The following CPXM2 variants were observed in gnomAD, a reference collection of about 807,000 sequenced individuals.
The protein encoded by CPXM2 is inactive carboxypeptidase-like protein X2.
Under a neutral mutation model 86.1 loss-of-function variants are expected in CPXM2, and 66 were observed. The observed-to-expected ratio is 0.77, with a 90% CI of 0.63 to 0.94. The LOEUF (loss-of-function observed/expected upper bound fraction) is 0.94, where lower values mean the gene tolerates loss of function less well. Ranked by LOEUF, CPXM2 falls within the 40% of genes least tolerant of loss-of-function variation. The pLI is 0.00. For missense variants in CPXM2, 948 were observed against 1,026.3 expected (o/e 0.92, Z 1.04); for synonymous variants, 388 against 400.2 (o/e 0.97, Z 0.36).
intron 6 of CPXM2, among the ~76,000 whole-genome samples, chr10:123,786,336 G>A (rs771272986): frequency 2.0e-5 from 3 of 152,174 alleles, no homozygotes; most frequent in Middle Eastern, 3.4e-3. Flanking sequence ...CAAAGGCTGC[G>A]TTCCTCTTCA....
chr10:123,886,783 TATTTG>T (rs891040258), intron 1 of CPXM2, among the ~76,000 whole-genome samples: 2 of 152,252 alleles, frequency 1.3e-5, no homozygotes, highest in Non-Finnish European at 2.9e-5. Context: ...TTCAGCTTAT[TATTTG>T]ATTTGATTGT....
rs1356218694 is a variant in CPXM2, at chr10:123,761,994, G to GC, written c.1654dup (p.Ala552GlyfsTer63). ...GCGGTGTGTGGAGGCATAGGAGTAG[G>GC]CCAGCCAGCGGAACACGTGGTCGTC... On this transcript the variant is annotated frameshift_variant, in exon 11 of 14. Transcript: ENST00000241305. LOFTEE classifies it high-confidence loss of function. 1.4e-5 allele frequency: 22 copies of GC among 1,613,776 alleles called. No homozygotes were observed. Among genetic ancestry groups the GC allele is most frequent in the Non-Finnish European group, 1.6e-5 (19 of 1,179,768 alleles).
At chr10:123,832,904 A>G (rs114420546) in intron 4 of CPXM2, among the ~76,000 whole-genome samples, 31 of 151,912 alleles carry the variant, frequency 2.0e-4, no homozygotes, top group African/African-American at 7.0e-4. Flanking sequence ...AAAGAGGGTG[A>G]AGCGAGCACC....
chr10:123,881,412 A>G (rs368304943), intron 1 of CPXM2, among the ~76,000 whole-genome samples: 275 of 151,918 alleles, frequency 1.8e-3, no homozygotes, highest in South Asian at 5.0e-3. Context: ...CTCTAGGTAG[A>G]GCCTGATGCA....
chr10:123,842,385 G>T lies in CPXM2; in HGVS notation c.617C>A (p.Thr206Asn). 2 of 1,614,276 alleles carry T rather than the reference G, an allele frequency of 1.2e-6. No individual in the cohort carries two copies. The highest frequency in any genetic ancestry group is 1.7e-6 in the Non-Finnish European group (2 of 1,180,052). Reference sequence around the variant, plus strand: ...GTTCCTCCCTTGAGTGATGACACCAGTGAATCTGGTCAGGCGCCGAGCATC... The same window carrying T: ...GTTCCTCCCTTGAGTGATGACACCATTGAATCTGGTCAGGCGCCGAGCATC... ...EVDARRLTRF[T>N]GVITQGRNSL... The change falls in exon 4 of 14, where the codon ACT becomes AAT. Residue 206 changes from threonine to asparagine, a missense_variant. Physicochemically the swap from Thr to Asn is moderately conservative, Grantham distance 65 (BLOSUM62 0). Transcript: ENST00000241305.
At chr10:123,924,965 G>C (rs865836525) in intron 2 of CPXM2, among the ~76,000 whole-genome samples, 1 of 152,150 alleles carries the variant, frequency 6.6e-6, no homozygotes, top group African/African-American at 2.4e-5. Context: ...GGTTTTAGGG[G>C]CTCTGTGCCA....
At chr10:123,920,334 A>G (rs1379692722) in intron 2 of CPXM2, among the ~76,000 whole-genome samples, 1 of 152,226 alleles carries the variant, frequency 6.6e-6, no homozygotes, top group African/African-American at 2.4e-5. Flanking sequence ...CAGATGAAGG[A>G]AAACTAAGAT....
upstream of CPXM2, among the ~76,000 whole-genome samples, chr10:123,894,862 C>T (rs1236556807): frequency 1.3e-5 from 2 of 152,150 alleles, no homozygotes; most frequent in East Asian, 1.9e-4. Flanking sequence ...GATGGGAATC[C>T]GTGCTCAGCA....
upstream of CPXM2, among the ~76,000 whole-genome samples, chr10:123,943,662 G>A (rs1945797604): frequency 6.6e-6 from 1 of 152,248 alleles, no homozygotes; most frequent in Non-Finnish European, 1.5e-5. Flanking sequence ...CTGTAGAGCT[G>A]AGCCAGGTAT....
intron 2 of CPXM2, among the ~76,000 whole-genome samples, chr10:123,919,060 C>T (rs114146063): frequency 0.02 from 3,063 of 152,084 alleles, 93 homozygotes; most frequent in African/African-American, 0.068. Flanking sequence ...AAGCCCACAG[C>T]TCCTCTCTGA....
chr10:123,937,640 C>G (rs1945735699), intron 2 of CPXM2, among the ~76,000 whole-genome samples: 1 of 152,174 alleles, frequency 6.6e-6, no homozygotes, highest in African/African-American at 2.4e-5. Flanking sequence ...AGTCTCTTGA[C>G]AGTTCCTTGA....
chr10:123,806,256 G>C (rs1245297391), intron 4 of CPXM2, among the ~76,000 whole-genome samples: 1 of 152,058 alleles, frequency 6.6e-6, no homozygotes, highest in African/African-American at 2.4e-5. Flanking sequence ...ATTCTAGATT[G>C]ATGTTTATTT....
chr10:123,764,607 C>T (rs1846425404), intron 10 of CPXM2, among the ~76,000 whole-genome samples: 1 of 152,130 alleles, frequency 6.6e-6, no homozygotes, highest in Admixed American at 6.5e-5. Context: ...CTACCTCAGC[C>T]TCCCAAGTAG....
At position 123,815,271 on chromosome 10, in the gene CPXM2, G is replaced by T. The variant is rs183574958; in HGVS notation, c.654-16072C>A. On this transcript the variant is annotated intron_variant, in intron 4 of 13. Coordinates refer to ENST00000241305, the MANE Select transcript of CPXM2 (RefSeq NM_198148.3). The stretch of plus-strand genomic sequence containing the variant: ...ACTGAGCCTCAAATCTGCTAAGTTT[G>T]CCCTGAGTGACAGCCTTATCCCTGG... Among the ~76,000 whole-genome samples, 444 of 152,250 alleles carry T rather than the reference G, an allele frequency of 2.9e-3. 2 individuals carry two copies. The highest frequency in any genetic ancestry group is 0.01 in the African/African-American group (426 of 41,534).
At chr10:123,928,981 G>A (rs186097951) in intron 2 of CPXM2, among the ~76,000 whole-genome samples, 1 of 152,338 alleles carries the variant, frequency 6.6e-6, no homozygotes, top group East Asian at 1.9e-4. Context: ...GAAGACTGTG[G>A]TCCTGAGTGG....
chr10:123,809,373 T>C (rs969888388), intron 4 of CPXM2, among the ~76,000 whole-genome samples: 10 of 152,058 alleles, frequency 6.6e-5, no homozygotes, highest in Admixed American at 2.6e-4. Context: ...GTCAGTGAAA[T>C]TGTGAAGAAC....
intron 1 of CPXM2, among the ~76,000 whole-genome samples, chr10:123,884,194 T>C (rs1945142847): frequency 6.6e-6 from 1 of 152,198 alleles, no homozygotes; most frequent in African/African-American, 2.4e-5. Context: ...CCCAGGGCTC[T>C]GAGGTCCTTG....
intron 2 of CPXM2, among the ~76,000 whole-genome samples, chr10:123,901,850 G>T (rs1945384895): frequency 6.6e-6 from 1 of 152,148 alleles, no homozygotes; most frequent in Non-Finnish European, 1.5e-5. Flanking sequence ...CAGCTGTATT[G>T]ACCAATCAGG....
At chr10:123,813,097 A>G (rs1847730385) in intron 4 of CPXM2, among the ~76,000 whole-genome samples, 1 of 152,234 alleles carries the variant, frequency 6.6e-6, no homozygotes. Flanking sequence ...CTTTTGTGAA[A>G]CAGACGTGTG....
Sources: gnomAD v4.1 joint callset for allele counts (sites outside exome capture counted in the v4.1 genomes callset) on GRCh38, gnomAD v4.1.1 for gene constraint, MANE v1.5 for transcripts, NCBI Gene and HGNC (gene_info 2026-07-23, HGNC 2026-07-21) for gene names.